Variants in CADPS observed in about 807,000 individuals in gnomAD.
CADPS encodes calcium dependent secretion activator.
Under a neutral mutation model 167.3 loss-of-function variants are expected in CADPS, and 57 were observed. The ratio of observed to expected loss-of-function variants is 0.34; its 90% CI spans 0.28 to 0.42. The LOEUF is 0.42. Ranked by LOEUF, CADPS falls within the 20% of genes least tolerant of loss-of-function variation. The pLI is 1.00. For synonymous variants in CADPS, 676 were observed against 635.3 expected (o/e 1.06, Z -0.96); for missense variants, 1,414 against 1,738.1 (o/e 0.81, Z 3.32).
intron 13 of CADPS, among the ~76,000 whole-genome samples, chr3:62,519,199 C>T (rs2151734208): frequency 6.6e-6 from 1 of 152,304 alleles, no homozygotes; most frequent in Non-Finnish European, 1.5e-5. Flanking sequence ...CTGGCTGAGC[C>T]AGTTTGCAGA....
intron 2 of CADPS, among the ~76,000 whole-genome samples, chr3:62,758,576 T>G (rs1461408323): frequency 6.6e-6 from 1 of 152,184 alleles, no homozygotes; most frequent in East Asian, 1.9e-4. Context: ...CTATTCAAAC[T>G]CAATTGTGCT....
chr3:62,819,587 T>A (rs886268054), intron 1 of CADPS, among the ~76,000 whole-genome samples: 1 of 152,294 alleles, frequency 6.6e-6, no homozygotes, highest in Non-Finnish European at 1.5e-5. Flanking sequence ...AGTGTCTTTG[T>A]ATACCTGGGG....
Position 62,399,610 on chromosome 3 carries a change from TAAG to T in CADPS, c.3883-28_3883-26del. On this transcript the variant is annotated intron_variant, in intron 29 of 29. Transcript: ENST00000383710. This position sits in a 1 kb window ranked among gnomAD's most constrained non-coding sequence, Gnocchi z 5.6. ...TCTAAGGAAGGAAAAGATACAGTGA[TAAG>T]AGAGATCTCATCTCCATGATGGGGA... The T allele has an allele frequency of 6.4e-7, 1 of 1,571,930 alleles. No individual in the cohort carries two copies. The highest frequency in any genetic ancestry group is 8.7e-7 in the Non-Finnish European group (1 of 1,143,650).
intron 1 of CADPS, among the ~76,000 whole-genome samples, chr3:62,842,949 G>A (rs2076855609): frequency 6.6e-6 from 1 of 152,148 alleles, no homozygotes; most frequent in African/African-American, 2.4e-5. Flanking sequence ...ATAATTGAGA[G>A]TTCATTTTCT....
chr3:62,607,348 C>T (rs1297465150), intron 6 of CADPS, among the ~76,000 whole-genome samples: 1 of 152,150 alleles, frequency 6.6e-6, no homozygotes, highest in Non-Finnish European at 1.5e-5. Flanking sequence ...TCTAGGTTCC[C>T]GAATAAGCAA....
rs367748006 is a variant in CADPS, at chr3:62,421,371, C to G, written c.3777+16733G>C. Among the ~76,000 whole-genome samples the G allele has an allele frequency of 5.8e-4, 88 of 152,290 alleles. 1 individual carries two copies. The Middle Eastern group carries it at 0.02, about 35-fold the overall frequency. ...CAGCGAGCGCCTGAATGGGGCAAAC[C>G]TCCTAAGTTGAATGGAGTGTCTTTT... On this transcript the variant is annotated intron_variant, in intron 28 of 29. Coordinates refer to ENST00000383710, the MANE Select transcript of CADPS (RefSeq NM_003716.4). The surrounding 1 kb of genome is among the most constrained non-coding windows in gnomAD (Gnocchi z 4.7).
At chr3:62,628,997 T>C (rs1472177296) in intron 6 of CADPS, among the ~76,000 whole-genome samples, 2 of 152,100 alleles carry the variant, frequency 1.3e-5, no homozygotes, top group Non-Finnish European at 2.9e-5. Flanking sequence ...TAAGCCACCA[T>C]TGTCTCTTGC....
intron 3 of CADPS, among the ~76,000 whole-genome samples, chr3:62,678,308 T>C (rs2076631140): frequency 6.6e-6 from 1 of 152,140 alleles, no homozygotes; most frequent in African/African-American, 2.4e-5. Context: ...AATCATACTA[T>C]CTCATTATTT....
intron 6 of CADPS, among the ~76,000 whole-genome samples, chr3:62,634,306 T>G (rs2065851355): frequency 6.6e-6 from 1 of 152,230 alleles, no homozygotes; most frequent in South Asian, 2.1e-4. Flanking sequence ...GTTGTACTGT[T>G]GTACTATTTA....
chr3:62,868,628 T>C (rs1338908163), intron 1 of CADPS, among the ~76,000 whole-genome samples: 1 of 152,132 alleles, frequency 6.6e-6, no homozygotes, highest in East Asian at 1.9e-4. Flanking sequence ...CAGTTTGCAA[T>C]CTCTCATGTA....
intron 3 of CADPS, among the ~76,000 whole-genome samples, chr3:62,709,122 C>T (rs1442841191): frequency 6.6e-6 from 1 of 152,096 alleles, no homozygotes; most frequent in Admixed American, 6.5e-5. Flanking sequence ...ATTTAGGGTA[C>T]CTCCAGCTCT....
At chr3:62,710,038 A>T (rs1423598504) in intron 3 of CADPS, among the ~76,000 whole-genome samples, 2 of 152,118 alleles carry the variant, frequency 1.3e-5, no homozygotes, top group East Asian at 1.9e-4. Flanking sequence ...AATTGCTGGG[A>T]TTACAGGCAT....
At chr3:62,653,331 G>A (rs2070717106) in intron 4 of CADPS, among the ~76,000 whole-genome samples, 2 of 152,112 alleles carry the variant, frequency 1.3e-5, no homozygotes, top group Non-Finnish European at 2.9e-5. Context: ...CTGCCAGCAT[G>A]TGAGGACCTG....
At chr3:62,790,217 G>GA (rs947402217) in intron 1 of CADPS, among the ~76,000 whole-genome samples, 2 of 152,058 alleles carry the variant, frequency 1.3e-5, no homozygotes, top group African/African-American at 2.4e-5. Flanking sequence ...TATGGACACA[G>GA]AAAAAATAAG....
chr3:62,708,742 C>T (rs892265448), intron 3 of CADPS, among the ~76,000 whole-genome samples: 7 of 152,060 alleles, frequency 4.6e-5, no homozygotes, highest in African/African-American at 9.7e-5. Context: ...TGTGACCCTG[C>T]TATAATTGCC....
rs551735319 is a variant in CADPS, at chr3:62,533,991, G to T, written c.2104-933C>A. 9.2e-5 allele frequency among the ~76,000 whole-genome samples: 14 copies of T among 152,294 alleles called. No homozygotes were observed. In the South Asian group the frequency reaches 2.3e-3, roughly 25 times the overall value. On this transcript the variant is annotated intron_variant, in intron 12 of 29. Coordinates refer to ENST00000383710, the MANE Select transcript of CADPS (RefSeq NM_003716.4). ...AATTCAGATCTGCAAATTAGAGCAG[G>T]TTTGGTGGCATGATGGGATGGAAAT... is the stretch of plus-strand genomic sequence containing the variant.
chr3:62,590,410 C>G (rs745560647), intron 7 of CADPS, among the ~76,000 whole-genome samples: 1 of 152,200 alleles, frequency 6.6e-6, no homozygotes, highest in Non-Finnish European at 1.5e-5. Flanking sequence ...CTATGTGTGT[C>G]TCTCTTTCCC....
chr3:62,726,607 C>A (rs920027684), intron 3 of CADPS, among the ~76,000 whole-genome samples: 2 of 151,862 alleles, frequency 1.3e-5, no homozygotes, highest in Admixed American at 6.5e-5. Context: ...TACAGGAATC[C>A]AAGATTGCTC....
intron 1 of CADPS, among the ~76,000 whole-genome samples, chr3:62,784,734 T>A (rs1450293325): frequency 7.3e-6 from 1 of 136,194 alleles, no homozygotes; most frequent in East Asian, 2.2e-4. Flanking sequence ...TGATCTAGTA[T>A]CTTCAAGTAA....
Sources: gnomAD v4.1 joint callset for allele counts (sites outside exome capture counted in the v4.1 genomes callset) on GRCh38, gnomAD v4.1.1 for gene constraint, Gnocchi (gnomAD v3.1) non-coding constraint, MANE v1.5 for transcripts, NCBI Gene and HGNC (gene_info 2026-07-23, HGNC 2026-07-21) for gene names.